UBTF: variants seen among roughly 807,000 people sequenced by gnomAD.
UBTF encodes upstream binding transcription factor.
A neutral mutation model predicts 112.3 loss-of-function variants in UBTF; 8 were observed. The ratio of observed to expected loss-of-function variants is 0.07; its 90% CI spans 0.04 to 0.13. The LOEUF (loss-of-function observed/expected upper bound fraction) is 0.13. Among genes scored for constraint, UBTF ranks in the 10% least tolerant of loss-of-function variants. UBTF has a pLI of 1.00. For missense variants in UBTF, 457 were observed against 982.1 expected, an observed-to-expected ratio of 0.47 and a Z score of 7.15; for synonymous variants, 417 against 373.1, an observed-to-expected ratio of 1.12 and a Z score of -1.36.
At position 44,207,121 on chromosome 17, in the gene UBTF, A is replaced by C. The variant is rs1232869319; in HGVS notation, c.*121T>G. On this transcript the variant is annotated 3_prime_UTR_variant, in exon 21 of 21. Coordinates refer to ENST00000436088, the MANE Select transcript of UBTF (RefSeq NM_014233.4). Reference sequence around the variant, plus strand: ...CCGTATTTTTTTTTTTTTTTAAAGAAAGAAAGAAAGTGGGGGAGGCCAGGG... The same window carrying C: ...CCGTATTTTTTTTTTTTTTTAAAGACAGAAAGAAAGTGGGGGAGGCCAGGG... 26 of 1,121,050 alleles carry C rather than the reference A, an allele frequency of 2.3e-5. No individual in the cohort carries two copies. In the Admixed American group the frequency reaches 6.8e-4, roughly 30 times the overall value. The allele number at this position is 1,121,050 out of a possible 1,614,324, so 69.4% of individuals were successfully genotyped here. A position where few individuals can be genotyped will look rare whatever the true frequency, so the allele number is the denominator to read the frequency against.
At chr17:44,221,250 C>G (rs1187460562), upstream of UBTF, 3 of 152,208 alleles carry the variant, frequency 2.0e-5, no homozygotes, top group South Asian at 2.1e-4. Context: ...GGGCTGGAGC[C>G]GGCGAGCGCG....
Position 44,211,800 on chromosome 17 carries a change from G to A in UBTF, c.906-53C>T, listed in dbSNP as rs2056695975. 6.3e-7 allele frequency: 1 copy of A among 1,599,760 alleles called. No individual in the cohort carries two copies. The highest frequency in any genetic ancestry group is 1.1e-5 in the South Asian group (1 of 90,274). ...AGCCCGTAAGCGAGCAGGGCAGCAG[G>A]CCTTCTCACCTGCAGAGCCCAGCCC... On this transcript the variant is annotated intron_variant, in intron 9 of 20. Coordinates refer to ENST00000436088, the MANE Select transcript of UBTF (RefSeq NM_014233.4). The surrounding 1 kb of genome is among the most constrained non-coding windows in gnomAD (Gnocchi z 4.9).
chr17:44,208,759 C>T (rs1488937561), intron 17 of UBTF: 1 of 201,466 alleles, frequency 5.0e-6, no homozygotes, highest in African/African-American at 2.4e-5. Flanking sequence ...AGCACAAAGG[C>T]CAGGAGTCTA....
rs1386924495 is a variant in UBTF at position 44,207,486 on chromosome 17, T to C, written c.2137A>G (p.Ser713Gly). ...CCATCCTCGCTCTCGTCCTCGCTGCTGGACTCAGAGGAGTCGCCGCCATCT... is the reference window on the plus strand; with the variant it reads ...CCATCCTCGCTCTCGTCCTCGCTGCCGGACTCAGAGGAGTCGCCGCCATCT... ...SEDGGDSSES[S>G]SEDESEDGDE... Residue 713 changes from serine (S) to glycine (G), a missense_variant, in exon 20 of 21, where the codon AGC becomes GGC. By Grantham distance (56) the Ser-to-Gly change is moderately conservative. Around this residue, in one of 7 missense-constraint regions of UBTF, gnomAD observed 139 missense variants for 157.5 expected, o/e 0.88. Coordinates refer to ENST00000436088, the MANE Select transcript of UBTF (RefSeq NM_014233.4). 1 of 1,614,062 alleles carries C rather than the reference T, an allele frequency of 6.2e-7. No homozygotes were observed. The highest frequency in any genetic ancestry group is 1.7e-5 in the Admixed American group (1 of 60,008).
intron 19 of UBTF, 43 bp downstream of exon 19, chr17:44,207,656 T>C (rs2056342894): frequency 6.2e-7 from 1 of 1,614,130 alleles, no homozygotes; most frequent in Non-Finnish European, 8.5e-7. Context: ...TTCCAGGCAG[T>C]GCCCCCCGCC....
In UBTF at chr17:44,206,900, C is replaced by T. The variant is rs994912716; in HGVS notation, c.*342G>A. The stretch of plus-strand genomic sequence containing the variant: ...CAGGTGTGGAGGGCCTCATCAAACT[C>T]TTTGGGACCCCCCACCCCCACTCTC... On this transcript the variant is annotated 3_prime_UTR_variant, in exon 21 of 21. Transcript: ENST00000436088. The T allele has an allele frequency of 2.4e-6, 1 of 415,470 alleles. No homozygotes were observed. Among genetic ancestry groups the T allele is most frequent in the South Asian group, 5.7e-5 (1 of 17,622 alleles). 25.7% of individuals were successfully genotyped at this position (415,470 alleles called of 1,614,324 possible). A position where few individuals can be genotyped will look rare whatever the true frequency, so the allele number is the denominator to read the frequency against.
chr17:44,218,109 A>G, intron 2 of UBTF, 63 bp downstream of exon 2: 1 of 1,520,378 alleles, frequency 6.6e-7, no homozygotes, highest in Non-Finnish European at 9.1e-7. Context: ...GAAGGGAGTG[A>G]GCCCCGCAGC....
At chr17:44,220,538 T>C (rs1426291299), upstream of UBTF, among the ~76,000 whole-genome samples, 1 of 146,144 alleles carries the variant, frequency 6.8e-6, no homozygotes, top group Non-Finnish European at 1.5e-5. Flanking sequence ...ACCTCTGCAT[T>C]AAAAAAAAAA....
Position 44,215,909 on chromosome 17 carries a change from G to T in UBTF, c.315C>A (p.Leu105=), listed in dbSNP as rs762796485. 5 of 1,614,020 alleles carry T rather than the reference G, an allele frequency of 3.1e-6. No homozygotes were observed. The African/African-American group carries it at 4.0e-5, about 13-fold the overall frequency. ...HVKNPYKGKK[L]KKHPDFPKKP... ...GCTCCTCCTCCTAGTAACTCACCTTGAGTTTTTTGCCTTTGTAAGGATTTT... is the reference window on the plus strand; with the variant it reads ...GCTCCTCCTCCTAGTAACTCACCTTTAGTTTTTTGCCTTTGTAAGGATTTT... The change falls in exon 4 of 21, where the codon CTC becomes CTA. Residue 105 remains leucine (L), a synonymous_variant. Coordinates refer to ENST00000436088, the MANE Select transcript of UBTF (RefSeq NM_014233.4).
Position 44,207,798 on chromosome 17 carries a change from G to A in UBTF, c.1954-28C>T. Reference sequence around the variant, plus strand: ...GCAGGATGGGGACACAAAGGTGGCAGCCATGAGTTCGACACCCCTGAATTC... The same window carrying A: ...GCAGGATGGGGACACAAAGGTGGCAACCATGAGTTCGACACCCCTGAATTC... On this transcript the variant is annotated intron_variant, in intron 18 of 20. Coordinates refer to ENST00000436088, the MANE Select transcript of UBTF (RefSeq NM_014233.4). 2.5e-6 allele frequency: 4 copies of A among 1,614,158 alleles called. 1 individual carries two copies. In the South Asian group the frequency reaches 3.3e-5, roughly 13 times the overall value.
chr17:44,212,746 G>GGCC, intron 7 of UBTF, 73 bp downstream of exon 7: 2 of 1,589,146 alleles, frequency 1.3e-6, no homozygotes, highest in Non-Finnish European at 1.7e-6. Flanking sequence ...CACCGTGCCC[G>GGCC]GCCGACCTGG....
At chr17:44,210,671 C>T in intron 13 of UBTF, 121 bp downstream of exon 13, 1 of 1,414,300 alleles carries the variant, frequency 7.1e-7, no homozygotes, top group Non-Finnish European at 9.3e-7. Flanking sequence ...GCCGGCCCCA[C>T]GTCCCAGCCC....
At chr17:44,212,119 C>A in intron 8 of UBTF, 113 bp from the exon 9 acceptor site, 1 of 1,173,404 alleles carries the variant, frequency 8.5e-7, no homozygotes, top group African/African-American at 1.6e-5. Flanking sequence ...GGGGTGGCTG[C>A]GCGTCAGTGG....
intron 7 of UBTF, 112 bp from the exon 8 acceptor site, chr17:44,212,566 A>T: frequency 9.7e-7 from 1 of 1,035,788 alleles, no homozygotes; most frequent in Non-Finnish European, 1.4e-6. Context: ...AGGTCACATC[A>T]GTGTCCCCCA....
chr17:44,220,903 C>G (rs2047156871), upstream of UBTF: 1 of 150,170 alleles, frequency 6.7e-6, no homozygotes, highest in Non-Finnish European at 1.5e-5. Context: ...ACGCGCCGCG[C>G]TCCGCCCGCC....
intron 13 of UBTF, 105 bp downstream of exon 13, chr17:44,210,687 C>T (rs936155647): frequency 6.8e-6 from 10 of 1,480,178 alleles, no homozygotes; most frequent in African/African-American, 4.2e-5. Flanking sequence ...AGCCCAGGCA[C>T]CGCGTGGCTC....
In UBTF at chr17:44,205,438, CTG is replaced by C. The variant is rs2056193435; in HGVS notation, c.*1802_*1803del. On this transcript the variant is annotated 3_prime_UTR_variant, in exon 21 of 21. Coordinates refer to ENST00000436088, the MANE Select transcript of UBTF (RefSeq NM_014233.4). ...AGTGTAGGGGCATCCAAATAGGAAA[CTG>C]GGGTTCTTTGCAGGGCTCTTGGGAA... 1 of 152,444 alleles carries C rather than the reference CTG, an allele frequency of 6.6e-6. No individual in the cohort carries two copies. The highest frequency in any genetic ancestry group is 1.9e-4 in the East Asian group (1 of 5,200). The allele number at this position is 152,444 out of a possible 1,614,324, so 9.4% of individuals were successfully genotyped here. A position where few individuals can be genotyped will look rare whatever the true frequency, so the allele number is the denominator to read the frequency against.
Position 44,211,547 on chromosome 17 carries a change from A to G in UBTF, c.1047+59T>C, listed in dbSNP as rs2056677259. ...GCCACCAGGGACTGACTGGCCCAAG[A>G]TGGGATCAGACCTCATGCTTCAAAA... is the stretch of plus-strand genomic sequence containing the variant. On this transcript the variant is annotated intron_variant, in intron 10 of 20. Transcript: ENST00000436088. This position sits in a 1 kb window ranked among gnomAD's most constrained non-coding sequence, Gnocchi z 4.9. The G allele has an allele frequency of 1.9e-6, 3 of 1,579,952 alleles. No individual in the cohort carries two copies. The Admixed American group carries it at 5.1e-5, about 27-fold the overall frequency.
rs192040248 is a variant in UBTF at position 44,214,412 on chromosome 17, G to A, written c.475-1130C>T. On this transcript the variant is annotated intron_variant, in intron 5 of 20. Coordinates refer to ENST00000436088, the MANE Select transcript of UBTF (RefSeq NM_014233.4). The stretch of plus-strand genomic sequence containing the variant: ...ACTTACCAAAGGCCCCATACACAGC[G>A]GTTCAGTGGCAGAGCCAGGAGAACA... Among the ~76,000 whole-genome samples, 39 of 152,318 alleles carry A rather than the reference G, an allele frequency of 2.6e-4. No homozygotes were observed. In the East Asian group the frequency reaches 3.9e-3, roughly 15 times the overall value.
Sources: gnomAD v4.1 joint callset for allele counts (sites outside exome capture counted in the v4.1 genomes callset) on GRCh38, gnomAD v4.1.1 for gene constraint, gnomAD v4.1.1 regional missense constraint, Gnocchi (gnomAD v3.1) non-coding constraint, MANE v1.5 for transcripts, NCBI Gene and HGNC (gene_info 2026-07-23, HGNC 2026-07-21) for gene names.